FRRS1: variants seen among roughly 807,000 people sequenced by gnomAD.
FRRS1 encodes ferric reductase 1.
FRRS1 carries 51 observed loss-of-function variants against 70.7 expected under a neutral mutation model. The ratio of observed to expected loss-of-function variants is 0.72; its 90% CI spans 0.58 to 0.91. FRRS1 has a LOEUF of 0.91. FRRS1 is among the 40% of genes least tolerant of loss of function. The probability of loss-of-function intolerance (pLI) is 0.00; values close to 1 mark genes in which losing one functional copy is unlikely to be tolerated. For synonymous variants in FRRS1, 225 were observed against 238.7 expected (o/e 0.94, Z 0.53); for missense variants, 672 against 726.0 (o/e 0.93, Z 0.86).
intron 7 of FRRS1, among the ~76,000 whole-genome samples, chr1:99,736,915 A>G (rs1655702665): frequency 6.6e-6 from 1 of 151,606 alleles, no homozygotes; most frequent in Non-Finnish European, 1.5e-5. Context: ...GATCAAGTGC[A>G]CTTTCAGGAC....
chr1:99,757,754 T>C (rs942383511), intron 1 of FRRS1, among the ~76,000 whole-genome samples: 3 of 152,212 alleles, frequency 2.0e-5, no homozygotes, highest in African/African-American at 7.2e-5. Flanking sequence ...AGAATTACAA[T>C]GGCATTATTT....
intron 1 of FRRS1, among the ~76,000 whole-genome samples, chr1:99,760,199 A>G (rs983047577): frequency 6.6e-6 from 1 of 152,262 alleles, no homozygotes; most frequent in Non-Finnish European, 1.5e-5. Flanking sequence ...GCCACTATTT[A>G]TAATATCACT....
chr1:99,705,750 AT>A lies in FRRS1; in HGVS notation c.*3277del, dbSNP rs1654021743. On this transcript the variant is annotated 3_prime_UTR_variant, in exon 17 of 17. Transcript: ENST00000646001. Reference sequence around the variant, plus strand: ...AAGATTGATTTCTGCAGACCAGAGAATTTTTTTATTGCCTCAGCTATTAATG... The same window carrying A: ...AAGATTGATTTCTGCAGACCAGAGAATTTTTTATTGCCTCAGCTATTAATG... 6.6e-6 allele frequency among the ~76,000 whole-genome samples: 1 copy of A among 152,146 alleles called. No individual in the cohort carries two copies. The highest frequency in any genetic ancestry group is 2.1e-4 in the South Asian group (1 of 4,826).
At chr1:99,719,418 A>G (rs1654696535) in intron 10 of FRRS1, 116 bp downstream of exon 10, 1 of 633,292 alleles carries the variant, frequency 1.6e-6, no homozygotes, top group East Asian at 3.1e-5. Flanking sequence ...AAAAAAAAAA[A>G]AAAAAAAAAT....
chr1:99,733,090 C>A (rs927780048), intron 7 of FRRS1, among the ~76,000 whole-genome samples: 1 of 152,072 alleles, frequency 6.6e-6, no homozygotes, highest in African/African-American at 2.4e-5. Context: ...CTCAAGCAAT[C>A]CTCCCACCAC....
At chr1:99,722,972 C>A (rs983511179) in intron 9 of FRRS1, among the ~76,000 whole-genome samples, 24 of 152,204 alleles carry the variant, frequency 1.6e-4, no homozygotes, top group African/African-American at 5.3e-4. Flanking sequence ...AATAAATATT[C>A]AATAATGAAT....
chr1:99,726,934 G>A (rs186581747), intron 9 of FRRS1, among the ~76,000 whole-genome samples: 67 of 152,164 alleles, frequency 4.4e-4, no homozygotes, highest in Non-Finnish European at 8.1e-4. Flanking sequence ...AGGCTGGTCT[G>A]GAACTCCTGG....
In FRRS1 at chr1:99,704,484, G is replaced by C. The variant is rs989347392; in HGVS notation, c.*4544C>G. On this transcript the variant is annotated 3_prime_UTR_variant, in exon 17 of 17. Transcript: ENST00000646001. Reference sequence around the variant, plus strand: ...GGAAAGGAGGGAAAGGAAGTGCTGGGTAGAGGAGGGCGTGGTCCCTGGCGA... The same window carrying C: ...GGAAAGGAGGGAAAGGAAGTGCTGGCTAGAGGAGGGCGTGGTCCCTGGCGA... Among the ~76,000 whole-genome samples the C allele has an allele frequency of 5.9e-5, 9 of 152,272 alleles. No homozygotes were observed. Among genetic ancestry groups the C allele is most frequent in the African/African-American group, 1.7e-4 (7 of 41,564 alleles).
chr1:99,742,318 T>A (rs1656009222), intron 4 of FRRS1, 45 bp from the exon 5 acceptor site: 3 of 1,142,286 alleles, frequency 2.6e-6, no homozygotes, highest in Admixed American at 3.4e-5. Context: ...ACTCAATAGC[T>A]CAGCATGGCT....
Position 99,705,538 on chromosome 1 carries a change from G to C in FRRS1, c.*3490C>G, listed in dbSNP as rs1346284219. Among the ~76,000 whole-genome samples, 1 of 152,136 alleles carries C rather than the reference G, an allele frequency of 6.6e-6. No individual in the cohort carries two copies. The highest frequency in any genetic ancestry group is 1.5e-5 in the Non-Finnish European group (1 of 68,014). On this transcript the variant is annotated 3_prime_UTR_variant, in exon 17 of 17. Transcript: ENST00000646001. ...TTCAGCCAAACACTACATGTGCCCT[G>C]AGAGCTTCCTAGTTGGCATCTGCTG...
At chr1:99,752,607 G>C (rs1250704233) in intron 1 of FRRS1, among the ~76,000 whole-genome samples, 7 of 152,110 alleles carry the variant, frequency 4.6e-5, no homozygotes, top group Non-Finnish European at 1.0e-4. Context: ...TAATGAAAAA[G>C]TTTAGAAACT....
At chr1:99,720,116 CAAAG>C (rs1371495268) in intron 9 of FRRS1, among the ~76,000 whole-genome samples, 1 of 152,048 alleles carries the variant, frequency 6.6e-6, no homozygotes, top group Non-Finnish European at 1.5e-5. Flanking sequence ...GGTTGGAAGA[CAAAG>C]AAAAGCATTT....
chr1:99,763,639 C>A (rs1557712584), intron 1 of FRRS1, among the ~76,000 whole-genome samples: 1 of 152,052 alleles, frequency 6.6e-6, no homozygotes, highest in African/African-American at 2.4e-5. Flanking sequence ...GAGGCCCAGG[C>A]GGGCAGATCA....
intron 1 of FRRS1, among the ~76,000 whole-genome samples, chr1:99,759,091 T>G (rs574176843): frequency 6.6e-6 from 1 of 152,228 alleles, no homozygotes; most frequent in African/African-American, 2.4e-5. Flanking sequence ...GTTCTGCTTT[T>G]GCCCTTTGTC....
Position 99,709,223 on chromosome 1 carries a change from T to G in FRRS1, c.1661A>C (p.Gln554Pro), listed in dbSNP as rs1281270535. The change falls in exon 16 of 17, where the codon CAG (glutamine) becomes CCG (proline). Residue 554 changes from glutamine (Q) to proline (P), a missense_variant. By Grantham distance (76) the Gln-to-Pro change is moderately conservative (BLOSUM62 -1). Transcript: ENST00000646001. ...CTCTGTTTCCACTGCAGTAAATGACTGAAGGATCTGAATTCTGTCATCATC... is the reference window on the plus strand; with the variant it reads ...CTCTGTTTCCACTGCAGTAAATGACGGAAGGATCTGAATTCTGTCATCATC... ...ILDDDRIQIL[Q>P]SFTAVETEGH... 1 of 1,609,800 alleles carries G rather than the reference T, an allele frequency of 6.2e-7. No homozygotes were observed.
intron 1 of FRRS1, among the ~76,000 whole-genome samples, chr1:99,764,530 T>C (rs1557713106): frequency 6.6e-6 from 1 of 152,216 alleles, no homozygotes; most frequent in African/African-American, 2.4e-5. Context: ...TTACTATTTT[T>C]GTTTGTTTTG....
chr1:99,726,090 C>T (rs1655067897), intron 9 of FRRS1, among the ~76,000 whole-genome samples: 1 of 152,162 alleles, frequency 6.6e-6, no homozygotes, highest in African/African-American at 2.4e-5. Context: ...GTGATTGAAT[C>T]ATGGGGGAAC....
intron 9 of FRRS1, among the ~76,000 whole-genome samples, chr1:99,726,764 T>C (rs1655095572): frequency 6.6e-6 from 1 of 152,234 alleles, no homozygotes; most frequent in Admixed American, 6.5e-5. Context: ...TGGAATGCAG[T>C]GGTGCAATCA....
chr1:99,740,917 T>C lies in FRRS1; in HGVS notation c.452A>G (p.Lys151Arg), dbSNP rs747533077. The change falls in exon 6 of 17, where the codon AAA becomes AGA. Residue 151 changes from lysine (K) to arginine (R), a missense_variant. By Grantham distance (26) the Lys-to-Arg change is conservative. Transcript: ENST00000646001. Reference protein sequence around the residue: ...QFLVTVVEKYKIYWVKIPGPI... With the variant: ...QFLVTVVEKYRIYWVKIPGPI... Reference sequence around the variant, plus strand: ...ACCAGGAATCTTCACCCAGTAGATTTTATACTTCTCAACAACTGTGACTCT... The same window carrying C: ...ACCAGGAATCTTCACCCAGTAGATTCTATACTTCTCAACAACTGTGACTCT... 6.2e-7 allele frequency: 1 copy of C among 1,611,124 alleles called. No homozygotes were observed.
Sources: gnomAD v4.1 joint callset for allele counts (sites outside exome capture counted in the v4.1 genomes callset) on GRCh38, gnomAD v4.1.1 for gene constraint, MANE v1.5 for transcripts, NCBI Gene and HGNC (gene_info 2026-07-23, HGNC 2026-07-21) for gene names.